The following PSD3 variants were observed in gnomAD, a reference collection of about 807,000 sequenced individuals.
The protein encoded by PSD3 is pleckstrin and Sec7 domain containing 3, also known as PH and SEC7 domain-containing protein 3.
Under a neutral mutation model 105.5 loss-of-function variants are expected in PSD3, and 49 were observed. That is an observed-to-expected ratio of 0.46 (90% confidence interval 0.37 to 0.59). PSD3 has a LOEUF of 0.59. Among genes scored for constraint, PSD3 ranks in the 20% least tolerant of loss-of-function variants. The pLI is 0.00. For synonymous variants in PSD3, 557 were observed against 457.8 expected (o/e 1.22, Z -2.77); for missense variants, 1,561 against 1,263.8 (o/e 1.24, Z -3.57).
chr8:19,065,665 A>G (rs960250064), intron 1 of PSD3, among the ~76,000 whole-genome samples: 3 of 152,220 alleles, frequency 2.0e-5, no homozygotes, highest in Non-Finnish European at 4.4e-5. Context: ...GGTAAGGGGC[A>G]TGGATCTCCC....
intron 8 of PSD3, among the ~76,000 whole-genome samples, chr8:18,781,112 C>T (rs1808584561): frequency 6.6e-6 from 1 of 152,106 alleles, no homozygotes; most frequent in Non-Finnish European, 1.5e-5. Flanking sequence ...TCCTGGACTG[C>T]AGTGGCCAAA....
intron 3 of PSD3, among the ~76,000 whole-genome samples, chr8:18,870,586 G>A (rs899160072): frequency 4.6e-5 from 7 of 152,058 alleles, no homozygotes; most frequent in Non-Finnish European, 1.0e-4. Context: ...TGTAGATGAC[G>A]GGTTGATGGG....
At chr8:18,574,998 A>G (rs1363711801) in intron 13 of PSD3, 130 bp downstream of exon 13, 7 of 881,962 alleles carry the variant, frequency 7.9e-6, no homozygotes, top group Non-Finnish European at 1.1e-5. Context: ...TTATTTCTCT[A>G]ATGTAAGCAG....
intron 15 of PSD3, among the ~76,000 whole-genome samples, chr8:18,553,527 C>G (rs2130114010): frequency 6.6e-6 from 1 of 152,260 alleles, no homozygotes; most frequent in East Asian, 1.9e-4. Context: ...GTCAATTAGT[C>G]AGTGTTCCAG....
At chr8:18,955,557 C>T (rs116417764) in intron 1 of PSD3, among the ~76,000 whole-genome samples, 140 of 152,232 alleles carry the variant, frequency 9.2e-4, no homozygotes, top group African/African-American at 3.0e-3. Context: ...ACCTTCTACA[C>T]ATTTCTTTAC....
chr8:18,889,391 G>A (rs754707329), intron 2 of PSD3, among the ~76,000 whole-genome samples: 53 of 152,168 alleles, frequency 3.5e-4, no homozygotes, highest in African/African-American at 5.1e-4. Context: ...CTGTGCGAGC[G>A]TGCCTGTGAT....
chr8:18,559,252 T>C (rs1173691647), intron 14 of PSD3, among the ~76,000 whole-genome samples: 1 of 152,210 alleles, frequency 6.6e-6, no homozygotes, highest in African/African-American at 2.4e-5. Flanking sequence ...GAAAGTTCTC[T>C]TTGTTTTACA....
intron 10 of PSD3, among the ~76,000 whole-genome samples, chr8:18,635,751 G>A (rs1807202772): frequency 1.3e-5 from 2 of 152,046 alleles, no homozygotes; most frequent in South Asian, 4.1e-4. Flanking sequence ...GGATGAAGCT[G>A]GAAACCATCA....
At chr8:18,830,274 A>G (rs1813576052) in intron 4 of PSD3, among the ~76,000 whole-genome samples, 1 of 152,198 alleles carries the variant, frequency 6.6e-6, no homozygotes, top group Non-Finnish European at 1.5e-5. Flanking sequence ...TAGGCTCCAG[A>G]TCCCACTGAG....
At chr8:18,791,796 A>T (rs1809743725) in intron 8 of PSD3, among the ~76,000 whole-genome samples, 1 of 152,240 alleles carries the variant, frequency 6.6e-6, no homozygotes, top group Admixed American at 6.5e-5. Context: ...GACAACCTAC[A>T]GAATGCGAGA....
intron 9 of PSD3, among the ~76,000 whole-genome samples, chr8:18,745,903 T>C (rs1285861079): frequency 6.6e-6 from 1 of 152,006 alleles, no homozygotes; most frequent in Admixed American, 6.5e-5. Context: ...CCTCTTATCA[T>C]CTATAGTATG....
At chr8:18,592,364 A>C (rs917048681) in intron 12 of PSD3, among the ~76,000 whole-genome samples, 1 of 152,138 alleles carries the variant, frequency 6.6e-6, no homozygotes, top group African/African-American at 2.4e-5. Flanking sequence ...AAAAAGAGTT[A>C]AGAGAGCCTT....
intron 2 of PSD3, among the ~76,000 whole-genome samples, chr8:18,899,268 A>T (rs1254377714): frequency 6.6e-6 from 1 of 151,956 alleles, no homozygotes; most frequent in African/African-American, 2.4e-5. Context: ...ATCCTTCCTC[A>T]CCACCCCTCA....
intron 2 of PSD3, among the ~76,000 whole-genome samples, chr8:18,907,480 T>C (rs1417118322): frequency 6.6e-6 from 1 of 152,346 alleles, no homozygotes; most frequent in East Asian, 1.9e-4. Context: ...TGGCCTTTTA[T>C]CTTTTCTATT....
chr8:18,632,690 G>C lies in PSD3; in HGVS notation c.2333C>G (p.Pro778Arg). ...GSTTNPFLDI[P>R]HDPNAAVYKS... ...GTACACAGCAGCATTTGGATCATGA[G>C]GAATGTCCAAAAATGGGTTAGTAGT... The change falls in exon 11 of 16, where the codon CCT (proline) becomes CGT (arginine). Residue 778 changes from proline to arginine, a missense_variant. Physicochemically the swap from Pro to Arg is moderately radical, Grantham distance 103. Transcript: ENST00000327040. 6.2e-7 allele frequency: 1 copy of C among 1,612,706 alleles called. No individual in the cohort carries two copies. The highest frequency in any genetic ancestry group is 8.5e-7 in the Non-Finnish European group (1 of 1,179,106).
chr8:18,670,193 G>A (rs938740603), intron 9 of PSD3, among the ~76,000 whole-genome samples: 4 of 152,188 alleles, frequency 2.6e-5, no homozygotes, highest in Non-Finnish European at 4.4e-5. Flanking sequence ...ACGCACAGGT[G>A]TGGGGAGCGA....
chr8:18,811,828 G>A lies in PSD3; in HGVS notation c.1635-6930C>T, dbSNP rs572091908. Reference sequence around the variant, plus strand: ...GGGATGGAGGTTCCCACATTTTCTCGACTCAGAGTCTTTAATATGTAAGTT... The same window carrying A: ...GGGATGGAGGTTCCCACATTTTCTCAACTCAGAGTCTTTAATATGTAAGTT... On this transcript the variant is annotated intron_variant, in intron 4 of 15. Transcript: ENST00000327040. Among the ~76,000 whole-genome samples the A allele has an allele frequency of 8.3e-4, 127 of 152,188 alleles. 1 individual carries two copies. Among genetic ancestry groups the A allele is most frequent in the Middle Eastern group, 3.4e-3 (1 of 294 alleles).
At chr8:18,978,519 C>T (rs1043946676) in intron 1 of PSD3, among the ~76,000 whole-genome samples, 3 of 152,186 alleles carry the variant, frequency 2.0e-5, no homozygotes, top group Non-Finnish European at 4.4e-5. Context: ...ATTTGCCCCT[C>T]CTCTCCTTAA....
At chr8:18,793,035 T>C (rs1809869784) in intron 8 of PSD3, among the ~76,000 whole-genome samples, 1 of 152,144 alleles carries the variant, frequency 6.6e-6, no homozygotes. Flanking sequence ...GGGACATGGA[T>C]GAAGCTGGAA....
Sources: gnomAD v4.1 joint callset for allele counts (sites outside exome capture counted in the v4.1 genomes callset) on GRCh38, gnomAD v4.1.1 for gene constraint, MANE v1.5 for transcripts, NCBI Gene and HGNC (gene_info 2026-07-23, HGNC 2026-07-21) for gene names.